The following CCDC178 variants were observed in gnomAD, a reference collection of about 807,000 sequenced individuals.
CCDC178 encodes the protein coiled-coil domain-containing protein 178.
A neutral mutation model predicts 117.4 loss-of-function variants in CCDC178; 126 were observed. The ratio of observed to expected loss-of-function variants is 1.07; its 90% CI spans 0.93 to 1.24. CCDC178 has a LOEUF of 1.24. CCDC178 is among the 50% of genes most tolerant of loss of function. The pLI, the probability that CCDC178 is intolerant of heterozygous loss-of-function variation, is 0.00. For synonymous variants in CCDC178, 283 were observed against 313.4 expected, an observed-to-expected ratio of 0.90 and a Z score of 1.02; for missense variants, 1,030 against 986.9, an observed-to-expected ratio of 1.04 and a Z score of -0.59.
Position 33,366,618 on chromosome 18 carries a change from A to G in CCDC178, c.348+3432T>C, listed in dbSNP as rs147726170. On this transcript the variant is annotated intron_variant, in intron 6 of 22. Transcript: ENST00000383096. ...AATTTACATAGCTTAGAGTTCACCAATGTATACAAATCCGTGGTTTTTAAT... is the reference window on the plus strand; with the variant it reads ...AATTTACATAGCTTAGAGTTCACCAGTGTATACAAATCCGTGGTTTTTAAT... Among the ~76,000 whole-genome samples the G allele has an allele frequency of 4.6e-5, 7 of 152,168 alleles. No individual in the cohort carries two copies. The South Asian group carries it at 1.2e-3, about 27-fold the overall frequency.
chr18:33,315,483 T>C (rs763502758), intron 11 of CCDC178, among the ~76,000 whole-genome samples: 1 of 152,206 alleles, frequency 6.6e-6, no homozygotes, highest in Non-Finnish European at 1.5e-5. Context: ...GCTACCATCC[T>C]ACTTATCTTG....
At chr18:33,140,901 G>A (rs967108190) in intron 20 of CCDC178, among the ~76,000 whole-genome samples, 12 of 152,166 alleles carry the variant, frequency 7.9e-5, no homozygotes, top group African/African-American at 2.4e-4. Context: ...CAAGTGTCAT[G>A]GGAGGAACCC....
At chr18:32,976,926 G>A (rs2055039841) in intron 21 of CCDC178, among the ~76,000 whole-genome samples, 1 of 152,070 alleles carries the variant, frequency 6.6e-6, no homozygotes, top group African/African-American at 2.4e-5. Flanking sequence ...TGAATGAAGA[G>A]GCCATAATCT....
chr18:32,984,160 G>T (rs1252718855), intron 21 of CCDC178, among the ~76,000 whole-genome samples: 3 of 151,570 alleles, frequency 2.0e-5, no homozygotes, highest in Admixed American at 2.0e-4. Context: ...TCCCAATTTT[G>T]GTGCTGGCAT....
At chr18:33,410,001 T>C (rs1240226792) in intron 3 of CCDC178, among the ~76,000 whole-genome samples, 1 of 152,216 alleles carries the variant, frequency 6.6e-6, no homozygotes, top group Middle Eastern at 3.2e-3. Context: ...CATTAAATCA[T>C]GTGATATGTA....
intron 20 of CCDC178, among the ~76,000 whole-genome samples, chr18:33,103,928 C>G (rs1448224824): frequency 6.6e-6 from 1 of 151,688 alleles, no homozygotes; most frequent in East Asian, 1.9e-4. Context: ...AAGAAATGGA[C>G]TAGACAAATA....
chr18:33,103,055 G>A lies in CCDC178; in HGVS notation c.2239-10145C>T, dbSNP rs950557924. Among the ~76,000 whole-genome samples, 3 of 151,562 alleles carry A rather than the reference G, an allele frequency of 2.0e-5. No individual in the cohort carries two copies. In the Admixed American group the frequency reaches 2.0e-4, roughly 10 times the overall value. On this transcript the variant is annotated intron_variant, in intron 20 of 22. Coordinates refer to ENST00000383096, the MANE Select transcript of CCDC178 (RefSeq NM_001105528.4). The stretch of plus-strand genomic sequence containing the variant: ...GAGTCTTAATTAATATATTAGTATC[G>A]TGCTGTATTAGTCCATTTACACACT...
intron 21 of CCDC178, among the ~76,000 whole-genome samples, chr18:33,038,292 T>C (rs567561102): frequency 1.3e-5 from 2 of 152,030 alleles, no homozygotes; most frequent in South Asian, 4.1e-4. Flanking sequence ...ATCTCAAAGA[T>C]GTATAAATAT....
At chr18:33,282,317 G>A (rs866573533) in intron 12 of CCDC178, among the ~76,000 whole-genome samples, 2 of 152,176 alleles carry the variant, frequency 1.3e-5, no homozygotes, top group Admixed American at 1.3e-4. Flanking sequence ...GGTTTGGAGC[G>A]AGAGCATCTG....
chr18:33,173,665 C>G (rs895294513), intron 20 of CCDC178, among the ~76,000 whole-genome samples: 1 of 152,164 alleles, frequency 6.6e-6, no homozygotes, highest in Non-Finnish European at 1.5e-5. Context: ...AGAAATATTC[C>G]TTGCGTCAGT....
chr18:33,191,064 T>A (rs1010789386), intron 20 of CCDC178, among the ~76,000 whole-genome samples: 1 of 152,190 alleles, frequency 6.6e-6, no homozygotes, highest in African/African-American at 2.4e-5. Context: ...ATTAAACTTA[T>A]ACATTTATCT....
intron 5 of CCDC178, among the ~76,000 whole-genome samples, chr18:33,371,228 TAA>T (rs1216582333): frequency 6.6e-6 from 1 of 151,946 alleles, no homozygotes; most frequent in South Asian, 2.1e-4. Flanking sequence ...CATTTATAAA[TAA>T]AAGTGTTCAG....
chr18:33,107,406 C>T (rs1162465466), intron 20 of CCDC178, among the ~76,000 whole-genome samples: 2 of 151,442 alleles, frequency 1.3e-5, no homozygotes, highest in African/African-American at 2.4e-5. Context: ...AGAGTCTGGA[C>T]CATAATCCGG....
intron 14 of CCDC178, among the ~76,000 whole-genome samples, chr18:33,260,952 C>G (rs2059739955): frequency 6.6e-6 from 1 of 152,184 alleles, no homozygotes. Context: ...AGTCATTTTA[C>G]ATATTGAGCT....
At chr18:33,185,672 A>G (rs2058783338) in intron 20 of CCDC178, among the ~76,000 whole-genome samples, 1 of 152,070 alleles carries the variant, frequency 6.6e-6, no homozygotes, top group South Asian at 2.1e-4. Context: ...TTTCTCACAA[A>G]GAGAAATTTA....
intron 12 of CCDC178, among the ~76,000 whole-genome samples, chr18:33,278,922 T>G (rs1487222157): frequency 1.3e-5 from 2 of 152,142 alleles, no homozygotes; most frequent in Non-Finnish European, 2.9e-5. Flanking sequence ...TGCTAAAAAC[T>G]CTCAATAAAT....
At chr18:33,148,358 A>G (rs1260423852) in intron 20 of CCDC178, among the ~76,000 whole-genome samples, 2 of 152,162 alleles carry the variant, frequency 1.3e-5, no homozygotes, top group East Asian at 3.9e-4. Flanking sequence ...GGTTGCAGTG[A>G]GCCTAGATGG....
chr18:33,114,611 C>T (rs2057827727), intron 20 of CCDC178, among the ~76,000 whole-genome samples: 2 of 152,040 alleles, frequency 1.3e-5, no homozygotes, highest in South Asian at 4.1e-4. Context: ...CTCTTTTTCA[C>T]ATTCAATTAT....
chr18:33,244,030 T>C (rs1021849073), intron 15 of CCDC178, among the ~76,000 whole-genome samples: 1 of 152,046 alleles, frequency 6.6e-6, no homozygotes, highest in Non-Finnish European at 1.5e-5. Flanking sequence ...ACTTATCTCA[T>C]AGAAGATATG....
Sources: gnomAD v4.1 joint callset for allele counts (sites outside exome capture counted in the v4.1 genomes callset) on GRCh38, gnomAD v4.1.1 for gene constraint, MANE v1.5 for transcripts, NCBI Gene and HGNC (gene_info 2026-07-23, HGNC 2026-07-21) for gene names.